The following RALGPS1 variants were observed in gnomAD, a reference collection of about 807,000 sequenced individuals.
The protein encoded by RALGPS1 is ras-specific guanine nucleotide-releasing factor RalGPS1.
A neutral mutation model predicts 78.8 loss-of-function variants in RALGPS1; 19 were observed. That is an observed-to-expected ratio of 0.24 (90% confidence interval 0.17 to 0.35). RALGPS1 has a LOEUF of 0.35. RALGPS1 is among the 10% of genes least tolerant of loss of function. The pLI, the probability that RALGPS1 is intolerant of heterozygous loss-of-function variation, is 1.00. For missense variants in RALGPS1, 454 were observed against 688.3 expected (o/e 0.66, Z 3.81); for synonymous variants, 228 against 256.3 (o/e 0.89, Z 1.06).
At chr9:126,937,819 C>G (rs961401261) in intron 1 of RALGPS1, among the ~76,000 whole-genome samples, 1 of 152,102 alleles carries the variant, frequency 6.6e-6, no homozygotes, top group Non-Finnish European at 1.5e-5. Flanking sequence ...GGGTGCTTGG[C>G]TAAAGATGGG....
At chr9:126,923,849 G>A (rs2035010389) in intron 1 of RALGPS1, among the ~76,000 whole-genome samples, 1 of 152,228 alleles carries the variant, frequency 6.6e-6, no homozygotes, top group South Asian at 2.1e-4. Flanking sequence ...GGTAAGATTA[G>A]AAGTTACTTG....
At chr9:126,999,866 G>A (rs2043129226) in intron 4 of RALGPS1, among the ~76,000 whole-genome samples, 2 of 152,180 alleles carry the variant, frequency 1.3e-5, no homozygotes, top group African/African-American at 4.8e-5. Context: ...AGATCATTGT[G>A]GAAAGCTTTT....
intron 4 of RALGPS1, among the ~76,000 whole-genome samples, chr9:127,009,500 A>G (rs985730029): frequency 1.3e-5 from 2 of 152,192 alleles, no homozygotes; most frequent in Non-Finnish European, 2.9e-5. Context: ...TAGCAGAGAA[A>G]GGATCTGATT....
intron 8 of RALGPS1, among the ~76,000 whole-genome samples, chr9:127,086,121 C>T (rs747110298): frequency 1.3e-5 from 2 of 152,142 alleles, no homozygotes; most frequent in Non-Finnish European, 2.9e-5. Flanking sequence ...CACGCGCACA[C>T]GGACACACAC....
chr9:127,058,218 G>C (rs1254744576), intron 7 of RALGPS1, among the ~76,000 whole-genome samples: 1 of 152,236 alleles, frequency 6.6e-6, no homozygotes, highest in Non-Finnish European at 1.5e-5. Context: ...GGATGTGAGA[G>C]GCAGTGACTG....
intron 1 of RALGPS1, among the ~76,000 whole-genome samples, chr9:126,958,142 A>AAAAAATATATATATATATAT (rs113413659): frequency 2.6e-5 from 2 of 77,106 alleles, no homozygotes; most frequent in Non-Finnish European, 5.5e-5. Context: ...AAAAAAAAAA[A>AAAAAATATATATATATATAT]ATATATATAT....
rs1057489673 is a variant in RALGPS1, at chr9:127,091,368, C to T, written c.610+22012C>T. 1.3e-4 allele frequency among the ~76,000 whole-genome samples: 20 copies of T among 152,338 alleles called. No homozygotes were observed. The highest frequency in any genetic ancestry group is 1.1e-3 in the Admixed American group (17 of 15,310). On this transcript the variant is annotated intron_variant, in intron 8 of 18. Transcript: ENST00000259351. The surrounding 1 kb of genome is among the most constrained non-coding windows in gnomAD (Gnocchi z 4.3). ...CAGAAGTGGTGAGGCCACAGCCCAA[C>T]ACATGTCTTTCTGCATTGGCCCCAG...
intron 1 of RALGPS1, among the ~76,000 whole-genome samples, chr9:126,942,881 T>C (rs1460273804): frequency 6.6e-6 from 1 of 152,192 alleles, no homozygotes; most frequent in African/African-American, 2.4e-5. Flanking sequence ...TTTATAATTT[T>C]CTTTAAATGA....
intron 8 of RALGPS1, among the ~76,000 whole-genome samples, chr9:127,155,898 CTT>C (rs11322458): frequency 0.037 from 5,541 of 148,138 alleles, 261 homozygotes; most frequent in African/African-American, 0.11. Flanking sequence ...AAATATCTTG[CTT>C]TTTTTTTTTT....
chr9:127,091,673 T>C lies in RALGPS1; in HGVS notation c.610+22317T>C, dbSNP rs758172776. 1.2e-6 allele frequency: 2 copies of C among 1,613,538 alleles called. No homozygotes were observed. Among genetic ancestry groups the C allele is most frequent in the South Asian group, 1.1e-5 (1 of 91,048 alleles). On this transcript the variant is annotated intron_variant, in intron 8 of 18. Transcript: ENST00000259351. The surrounding 1 kb of genome is among the most constrained non-coding windows in gnomAD (Gnocchi z 4.3). ...GGTTTGACTCCACTTTTCCTACCTG[T>C]GTAGACATCATGATCTCTGTCCAGG...
At chr9:127,157,915 A>G (rs1166300963) in intron 8 of RALGPS1, among the ~76,000 whole-genome samples, 1 of 152,174 alleles carries the variant, frequency 6.6e-6, no homozygotes, top group Non-Finnish European at 1.5e-5. Context: ...GGATTTCAAT[A>G]TTAAGAACAT....
At chr9:126,971,830 C>G (rs995412476) in intron 3 of RALGPS1, among the ~76,000 whole-genome samples, 8 of 152,092 alleles carry the variant, frequency 5.3e-5, no homozygotes, top group Non-Finnish European at 1.0e-4. Flanking sequence ...TATAGTATGA[C>G]TATAGGATAA....
chr9:126,967,792 C>T (rs1175640285), intron 3 of RALGPS1, among the ~76,000 whole-genome samples: 1 of 152,120 alleles, frequency 6.6e-6, no homozygotes, highest in African/African-American at 2.4e-5. Flanking sequence ...TCCACCTCAG[C>T]CTCCCAAAGT....
At chr9:127,144,163 T>C (rs1213173637) in intron 8 of RALGPS1, among the ~76,000 whole-genome samples, 1 of 152,192 alleles carries the variant, frequency 6.6e-6, no homozygotes, top group East Asian at 1.9e-4. Context: ...GGCCTGAAAA[T>C]GGAGCTGCTT....
At chr9:127,011,983 T>C (rs1196593106) in intron 4 of RALGPS1, among the ~76,000 whole-genome samples, 1 of 152,214 alleles carries the variant, frequency 6.6e-6, no homozygotes, top group Non-Finnish European at 1.5e-5. Flanking sequence ...TTACTTGTCA[T>C]TACAAATAGC....
chr9:127,186,187 A>T (rs552303479), intron 11 of RALGPS1, among the ~76,000 whole-genome samples: 11 of 152,316 alleles, frequency 7.2e-5, no homozygotes, highest in African/African-American at 2.6e-4. Context: ...TTTCAACATG[A>T]TATCTCGTTC....
intron 8 of RALGPS1, among the ~76,000 whole-genome samples, chr9:127,150,357 G>A (rs1470333233): frequency 1.3e-5 from 2 of 152,228 alleles, no homozygotes; most frequent in East Asian, 1.9e-4. Context: ...CCGAAGGAGA[G>A]AAGCAGGCCT....
chr9:126,996,506 C>G (rs1205948165), intron 4 of RALGPS1, among the ~76,000 whole-genome samples: 1 of 152,160 alleles, frequency 6.6e-6, no homozygotes, highest in African/African-American at 2.4e-5. Flanking sequence ...TCTGAATAGA[C>G]CAATAACAGG....
chr9:127,094,290 G>C (rs2052852077), intron 8 of RALGPS1, among the ~76,000 whole-genome samples: 1 of 152,168 alleles, frequency 6.6e-6, no homozygotes, highest in South Asian at 2.1e-4. Context: ...GAAGTTGCTG[G>C]AGTGATCTTT....
Sources: allele counts gnomAD v4.1 joint callset (sites outside exome capture counted in the v4.1 genomes callset), GRCh38; gene constraint gnomAD v4.1.1; non-coding constraint Gnocchi (gnomAD v3.1); transcripts MANE v1.5; gene names NCBI Gene and HGNC (gene_info 2026-07-23, HGNC 2026-07-21).